The following NAV2 variants were observed in gnomAD, a reference collection of about 807,000 sequenced individuals.
NAV2 encodes the protein helicase, APC down-regulated 1.
Under a neutral mutation model 223.2 loss-of-function variants are expected in NAV2, and 54 were observed. The observed-to-expected ratio is 0.24, with a 90% confidence interval of 0.19 to 0.30. The LOEUF is 0.30. NAV2 is among the 10% of genes least tolerant of loss of function. The probability of loss-of-function intolerance (pLI) is 1.00; values close to 1 mark genes in which losing one functional copy is unlikely to be tolerated. For synonymous variants in NAV2, 1,279 were observed against 1,239.3 expected, an observed-to-expected ratio of 1.03 and a Z score of -0.67; for missense variants, 2,806 against 3,147.5, an observed-to-expected ratio of 0.89 and a Z score of 2.60.
At chr11:20,029,076 G>T (rs2055414709) in intron 11 of NAV2, among the ~76,000 whole-genome samples, 1 of 152,252 alleles carries the variant, frequency 6.6e-6, no homozygotes. Flanking sequence ...GGAGTTACCT[G>T]TTCGGCAGCT....
At chr11:19,352,940 C>T (rs1177756167) in intron 1 of NAV2, among the ~76,000 whole-genome samples, 4 of 151,976 alleles carry the variant, frequency 2.6e-5, no homozygotes, top group Admixed American at 6.6e-5. Context: ...AAACATACAC[C>T]CCATTTGCGT....
In NAV2 at chr11:19,536,508, A is replaced by G. The variant is rs551226145; in HGVS notation, c.75+185481A>G. ...GCCCCACCCCACACCGTGAATCACAATCTGCACTTTGACAAGACTCCCCAC... is the reference window on the plus strand; with the variant it reads ...GCCCCACCCCACACCGTGAATCACAGTCTGCACTTTGACAAGACTCCCCAC... On this transcript the variant is annotated intron_variant, in intron 1 of 37. Coordinates refer to the NAV2 transcript ENST00000360655. 1.1e-4 allele frequency among the ~76,000 whole-genome samples: 16 copies of G among 152,324 alleles called. No individual in the cohort carries two copies. The East Asian group carries it at 3.1e-3, about 29-fold the overall frequency.
chr11:20,077,565 C>T lies in NAV2; in HGVS notation c.4997C>T (p.Ala1666Val). 6.2e-7 allele frequency: 1 copy of T among 1,613,714 alleles called. No homozygotes were observed. Among genetic ancestry groups the T allele is most frequent in the Non-Finnish European group, 8.5e-7 (1 of 1,179,632 alleles). The change falls in exon 23 of 38, where the codon GCA (alanine) becomes GTA (valine). Residue 1666 changes from alanine to valine, a missense_variant. Around this residue, in one of 4 missense-constraint regions of NAV2, gnomAD observed 824 missense variants for 1,069.4 expected, o/e 0.77. Transcript: ENST00000349880. ...TQLTANAHLVAAFEQSLGNMT... is the reference protein window; with the variant it reads ...TQLTANAHLVVAFEQSLGNMT... ...CTTCCCCTCCAGGCTCACCTTGTGGCAGCCTTTGAACAGAGTCTTGGTAAC... is the reference window on the plus strand; with the variant it reads ...CTTCCCCTCCAGGCTCACCTTGTGGTAGCCTTTGAACAGAGTCTTGGTAAC...
chr11:19,901,301 C>T (rs964334159), intron 6 of NAV2, among the ~76,000 whole-genome samples: 1 of 152,184 alleles, frequency 6.6e-6, no homozygotes. Context: ...AATCCCAGCA[C>T]TTTGGGAGGC....
At chr11:19,932,252 A>AAG (rs1364133283) in intron 6 of NAV2, among the ~76,000 whole-genome samples, 4 of 149,450 alleles carry the variant, frequency 2.7e-5, no homozygotes, top group Non-Finnish European at 5.9e-5. Flanking sequence ...AAAAAAAAAA[A>AAG]AAAAAAAAGA....
intron 3 of NAV2, among the ~76,000 whole-genome samples, chr11:19,858,978 C>T (rs2061532542): frequency 1.3e-5 from 2 of 152,062 alleles, no homozygotes; most frequent in South Asian, 4.2e-4. Flanking sequence ...CATATATCCA[C>T]CCACCCAATC....
intron 22 of NAV2, 59 bp downstream of exon 22, chr11:20,068,457 A>G: frequency 7.7e-7 from 1 of 1,302,492 alleles, no homozygotes; most frequent in Non-Finnish European, 1.1e-6. Context: ...TGCCTTCTGA[A>G]CAGCCTCAAG....
At chr11:19,753,827 G>T (rs1416167886) in intron 1 of NAV2, among the ~76,000 whole-genome samples, 1 of 152,226 alleles carries the variant, frequency 6.6e-6, no homozygotes, top group African/African-American at 2.4e-5. Context: ...GCCCTTGGCG[G>T]GTGGGGCAAA....
chr11:19,568,593 C>T (rs768800542), intron 1 of NAV2, among the ~76,000 whole-genome samples: 2 of 152,226 alleles, frequency 1.3e-5, no homozygotes, highest in Non-Finnish European at 2.9e-5. Flanking sequence ...TCAGACCCTG[C>T]TAAGCACTTC....
At chr11:19,568,354 G>A (rs1021544782) in intron 1 of NAV2, among the ~76,000 whole-genome samples, 12 of 152,314 alleles carry the variant, frequency 7.9e-5, no homozygotes, top group South Asian at 2.1e-4. Context: ...GGCTCTAGAC[G>A]TGAGAGACTT....
intron 1 of NAV2, among the ~76,000 whole-genome samples, chr11:19,608,228 G>A (rs906310089): frequency 9.8e-5 from 15 of 152,328 alleles, no homozygotes; most frequent in East Asian, 3.9e-4. Context: ...TTCACTGCAC[G>A]AACATAGGTG....
At chr11:19,588,137 A>G (rs1417035327) in intron 1 of NAV2, among the ~76,000 whole-genome samples, 1 of 152,240 alleles carries the variant, frequency 6.6e-6, no homozygotes, top group Non-Finnish European at 1.5e-5. Context: ...CCTGACAGAA[A>G]AGCCAAATTC....
chr11:20,102,942 G>C (rs117849265), intron 32 of NAV2, among the ~76,000 whole-genome samples: 1 of 152,152 alleles, frequency 6.6e-6, no homozygotes, highest in African/African-American at 2.4e-5. Context: ...GAGGGCTTCT[G>C]TGTATGTAGC....
chr11:19,608,314 G>T (rs1364377239), intron 1 of NAV2, among the ~76,000 whole-genome samples: 1 of 152,224 alleles, frequency 6.6e-6, no homozygotes, highest in East Asian at 1.9e-4. Context: ...CTGCCATCAT[G>T]TCCTCTCTTA....
intron 1 of NAV2, among the ~76,000 whole-genome samples, chr11:19,514,193 T>C (rs1055932266): frequency 6.6e-6 from 1 of 152,150 alleles, no homozygotes; most frequent in Admixed American, 6.5e-5. Flanking sequence ...ATGATGCTTT[T>C]GTGCAGCTCT....
chr11:19,409,649 G>A (rs535745715), intron 1 of NAV2, among the ~76,000 whole-genome samples: 14 of 152,290 alleles, frequency 9.2e-5, no homozygotes, highest in African/African-American at 3.4e-4. Flanking sequence ...TATCCACAGA[G>A]CTCCCGTGAT....
intron 1 of NAV2, among the ~76,000 whole-genome samples, chr11:19,821,086 C>A (rs1421659781): frequency 6.6e-6 from 1 of 152,044 alleles, no homozygotes; most frequent in East Asian, 1.9e-4. Context: ...CACGGTGAAA[C>A]CCCGTCTCTA....
At chr11:20,110,855 G>A (rs1039038646) in intron 36 of NAV2, among the ~76,000 whole-genome samples, 1 of 152,306 alleles carries the variant, frequency 6.6e-6, no homozygotes, top group East Asian at 1.9e-4. Context: ...TTGCAGTTCA[G>A]AGTGAGGTTC....
chr11:19,539,624 T>C (rs917412102), intron 1 of NAV2, among the ~76,000 whole-genome samples: 1 of 152,206 alleles, frequency 6.6e-6, no homozygotes, highest in Non-Finnish European at 1.5e-5. Context: ...ACATTCTTTT[T>C]CTTAGGGGAT....
Sources: allele counts gnomAD v4.1 joint callset (sites outside exome capture counted in the v4.1 genomes callset), GRCh38; gene constraint gnomAD v4.1.1; regional missense constraint gnomAD v4.1.1; transcripts MANE v1.5; gene names NCBI Gene and HGNC (gene_info 2026-07-23, HGNC 2026-07-21).